LIMCH1: variants seen among roughly 807,000 people sequenced by gnomAD.
LIMCH1 encodes the protein LIM and calponin homology domains 1.
Under a neutral mutation model 176.5 loss-of-function variants are expected in LIMCH1, and 113 were observed. The ratio of observed to expected loss-of-function variants is 0.64; its 90% CI spans 0.55 to 0.75. The LOEUF is 0.75. LIMCH1 is among the 30% of genes least tolerant of loss of function. The pLI, the probability that LIMCH1 is intolerant of heterozygous loss-of-function variation, is 0.00. For missense variants in LIMCH1, 1,674 were observed against 1,814.9 expected (o/e 0.92, Z 1.41); for synonymous variants, 619 against 645.9 (o/e 0.96, Z 0.63).
At chr4:41,383,835 T>C (rs2154105248) in intron 1 of LIMCH1, among the ~76,000 whole-genome samples, 1 of 152,276 alleles carries the variant, frequency 6.6e-6, no homozygotes, top group South Asian at 2.1e-4. Flanking sequence ...CTGTGAACAC[T>C]GTGAAGAATG....
At chr4:41,437,654 G>A (rs570437707) in intron 1 of LIMCH1, among the ~76,000 whole-genome samples, 2 of 151,032 alleles carry the variant, frequency 1.3e-5, no homozygotes, top group East Asian at 3.9e-4. Flanking sequence ...ATGAGAAAAG[G>A]TTTTTGTTTT....
At chr4:41,421,807 G>C (rs773256573) in intron 1 of LIMCH1, among the ~76,000 whole-genome samples, 3 of 152,172 alleles carry the variant, frequency 2.0e-5, no homozygotes, top group Non-Finnish European at 4.4e-5. Context: ...TAGAGGCCAG[G>C]CATGATAGCT....
chr4:41,373,664 G>A (rs775600476), intron 1 of LIMCH1, among the ~76,000 whole-genome samples: 11 of 152,170 alleles, frequency 7.2e-5, no homozygotes, highest in Non-Finnish European at 1.5e-4. Context: ...ATGGCTAAGG[G>A]TTTTACGGTC....
At chr4:41,538,444 A>G in intron 1 of LIMCH1, 94 bp downstream of exon 1, 2 of 762,616 alleles carry the variant, frequency 2.6e-6, no homozygotes, top group Non-Finnish European at 3.2e-6. Flanking sequence ...GGTTTAAAAA[A>G]AAGTGACTTT....
At chr4:41,393,802 A>T (rs2057513500) in intron 1 of LIMCH1, among the ~76,000 whole-genome samples, 1 of 152,188 alleles carries the variant, frequency 6.6e-6, no homozygotes, top group African/African-American at 2.4e-5. Flanking sequence ...AATTAGAAAG[A>T]CCTGAAGATA....
At chr4:41,404,506 G>A (rs997937026) in intron 1 of LIMCH1, among the ~76,000 whole-genome samples, 9 of 152,198 alleles carry the variant, frequency 5.9e-5, no homozygotes, top group Admixed American at 1.3e-4. Flanking sequence ...GGCTGGGTGC[G>A]GTGGCTCACG....
At chr4:41,670,858 G>A (rs1267884636) in intron 21 of LIMCH1, 7 of 1,521,418 alleles carry the variant, frequency 4.6e-6, no homozygotes, top group Middle Eastern at 1.7e-4. Flanking sequence ...GATCAATGAT[G>A]TGTGGCACTT....
At chr4:41,458,455 A>G (rs1275614089) in intron 1 of LIMCH1, among the ~76,000 whole-genome samples, 1 of 152,090 alleles carries the variant, frequency 6.6e-6, no homozygotes, top group Non-Finnish European at 1.5e-5. Context: ...AGGAGAGAGT[A>G]GGAGCCAAGG....
At chr4:41,516,735 A>G (rs1212751840) in intron 2 of LIMCH1, among the ~76,000 whole-genome samples, 2 of 152,232 alleles carry the variant, frequency 1.3e-5, no homozygotes, top group African/African-American at 4.8e-5. Context: ...GAGGGATGTG[A>G]TAGGCAAGAA....
Position 41,692,149 on chromosome 4 carries a change from A to G in LIMCH1, c.4276-133A>G. 4 of 642,652 alleles carry G rather than the reference A, an allele frequency of 6.2e-6. No individual in the cohort carries two copies. The South Asian group carries it at 7.4e-5, about 12-fold the overall frequency. The allele number at this position is 642,652 out of a possible 1,614,324, so 39.8% of individuals were successfully genotyped here. On this transcript the variant is annotated intron_variant, in intron 30 of 31. Transcript: ENST00000503057. ...TAAGTTGACACTGGTGCAGCATCTT[A>G]CACATAATAGATGCTCCACAAATGT...
intron 1 of LIMCH1, among the ~76,000 whole-genome samples, chr4:41,402,111 AG>A (rs1561253142): frequency 6.6e-6 from 1 of 152,204 alleles, no homozygotes; most frequent in Non-Finnish European, 1.5e-5. Flanking sequence ...GTCTTGTGCC[AG>A]TTTTCACAAA....
chr4:41,681,781 C>T (rs1312774149), intron 25 of LIMCH1, among the ~76,000 whole-genome samples: 1 of 152,182 alleles, frequency 6.6e-6, no homozygotes, highest in Non-Finnish European at 1.5e-5. Flanking sequence ...CAAACCTGCA[C>T]ATCCTGCATA....
chr4:41,631,231 A>G lies in LIMCH1; in HGVS notation c.1355A>G (p.Asn452Ser). 1 of 1,536,158 alleles carries G rather than the reference A, an allele frequency of 6.5e-7. No individual in the cohort carries two copies. The highest frequency in any genetic ancestry group is 1.2e-5 in the South Asian group (1 of 84,060). ...ACTGCCATTCGTGATGACTTTGCCAACCGCAAAGCAAGGGCCTCTAAGAAA... is the reference window on the plus strand; with the variant it reads ...ACTGCCATTCGTGATGACTTTGCCAGCCGCAAAGCAAGGGCCTCTAAGAAA... ...AETAIRDDFA[N>S]RKARASKKAS... is the part of the protein sequence containing the mutation. Residue 452 changes from asparagine to serine, a missense_variant, in exon 10 of 32, where the codon AAC becomes AGC. Asn to Ser is a conservative substitution (Grantham distance 46). Around this residue, in one of 3 missense-constraint regions of LIMCH1, gnomAD observed 655 missense variants for 692.2 expected, o/e 0.95. Coordinates refer to ENST00000503057, the MANE Select transcript of LIMCH1 (RefSeq NM_001330672.2).
chr4:41,676,283 A>G, intron 22 of LIMCH1, 99 bp from the exon 23 acceptor site: 5 of 818,934 alleles, frequency 6.1e-6, no homozygotes, highest in East Asian at 2.6e-5. Flanking sequence ...CTGTGTGTCA[A>G]TCTGGGTGCC....
At chr4:41,690,555 G>A (rs775945882) in intron 30 of LIMCH1, among the ~76,000 whole-genome samples, 11 of 152,184 alleles carry the variant, frequency 7.2e-5, no homozygotes, top group Non-Finnish European at 1.3e-4. Flanking sequence ...TTCTTGGTCT[G>A]CATAATCCTA....
intron 1 of LIMCH1, among the ~76,000 whole-genome samples, chr4:41,483,195 G>A (rs4349633): frequency 0.46 from 69,795 of 151,964 alleles, 19,546 homozygotes; most frequent in African/African-American, 0.79. Flanking sequence ...GAGCCTTAAT[G>A]GAGGAACCCA....
chr4:41,602,155 G>T (rs1219856290), intron 2 of LIMCH1, among the ~76,000 whole-genome samples: 1 of 140,150 alleles, frequency 7.1e-6, no homozygotes, highest in Non-Finnish European at 1.5e-5. Context: ...AAAAAAAGAG[G>T]AAAAGCCTGC....
chr4:41,369,882 C>T (rs1245630797), intron 1 of LIMCH1, among the ~76,000 whole-genome samples: 1 of 149,698 alleles, frequency 6.7e-6, no homozygotes, highest in African/African-American at 2.5e-5. Context: ...CTGATTGGCA[C>T]TTGGACTTGG....
chr4:41,672,519 A>C (rs764830923), intron 22 of LIMCH1, among the ~76,000 whole-genome samples: 1 of 152,200 alleles, frequency 6.6e-6, no homozygotes, highest in Non-Finnish European at 1.5e-5. Context: ...ACCTGGCCTG[A>C]ACTCTCCAAG....
Sources: allele counts gnomAD v4.1 joint callset (sites outside exome capture counted in the v4.1 genomes callset), GRCh38; gene constraint gnomAD v4.1.1; regional missense constraint gnomAD v4.1.1; transcripts MANE v1.5; gene names NCBI Gene and HGNC (gene_info 2026-07-23, HGNC 2026-07-21).